The following BRMS1L variants were observed in gnomAD, a reference collection of about 807,000 sequenced individuals.
BRMS1L encodes the protein BRMS1 like transcriptional repressor.
Under a neutral mutation model 50.3 loss-of-function variants are expected in BRMS1L, and 23 were observed. The observed-to-expected ratio is 0.46, with a 90% CI of 0.33 to 0.65. The LOEUF (loss-of-function observed/expected upper bound fraction) is 0.65, where lower values mean the gene tolerates loss of function less well. Among genes scored for constraint, BRMS1L ranks in the 30% least tolerant of loss-of-function variants. BRMS1L has a pLI of 0.02. For synonymous variants in BRMS1L, 114 were observed against 126.9 expected (o/e 0.90, Z 0.69); for missense variants, 286 against 386.1 (o/e 0.74, Z 2.17).
intron 4 of BRMS1L, among the ~76,000 whole-genome samples, chr14:35,861,435 C>T (rs2078349988): frequency 6.6e-6 from 1 of 152,110 alleles, no homozygotes; most frequent in Non-Finnish European, 1.5e-5. Flanking sequence ...ACTGCTCTCC[C>T]TTTTTCTCTG....
intron 4 of BRMS1L, among the ~76,000 whole-genome samples, chr14:35,836,854 G>A (rs913692140): frequency 6.6e-6 from 1 of 151,702 alleles, no homozygotes; most frequent in Admixed American, 6.6e-5. Flanking sequence ...TCACGATATC[G>A]ATTCTTCCTA....
intron 3 of BRMS1L, among the ~76,000 whole-genome samples, chr14:35,833,355 C>A (rs2077950451): frequency 6.6e-6 from 1 of 150,828 alleles, no homozygotes; most frequent in Non-Finnish European, 1.5e-5. Context: ...AAGATAGTTC[C>A]ACATTTGGTG....
chr14:35,862,440 A>G (rs1320801651), intron 4 of BRMS1L, 150 bp from the exon 5 acceptor site: 14 of 354,270 alleles, frequency 4.0e-5, no homozygotes, highest in Non-Finnish European at 6.7e-5. Flanking sequence ...TCTTTCATGT[A>G]TTTGACATTT....
Position 35,870,684 on chromosome 14 carries a change from G to T in BRMS1L, c.*207G>T. The T allele has an allele frequency of 3.2e-6, 1 of 308,164 alleles. No homozygotes were observed. Among genetic ancestry groups the T allele is most frequent in the Non-Finnish European group, 6.1e-6 (1 of 163,520 alleles). The allele number at this position is 308,164 out of a possible 1,614,324, so 19.1% of individuals were successfully genotyped here. ...TTTATCACGATCCTTACGTTGATTT[G>T]CCTCTTAGGTCCGATGACCAATAGG... On this transcript the variant is annotated 3_prime_UTR_variant, in exon 10 of 10. Coordinates refer to ENST00000216807, the MANE Select transcript of BRMS1L (RefSeq NM_032352.4).
intron 1 of BRMS1L, among the ~76,000 whole-genome samples, chr14:35,830,383 T>C (rs73237247): frequency 0.025 from 3,757 of 151,930 alleles, 142 homozygotes; most frequent in African/African-American, 0.084. Flanking sequence ...TTTCACTTTT[T>C]ATTTTTGAGA....
Position 35,826,524 on chromosome 14 carries a change from T to A in BRMS1L, c.8T>A (p.Val3Asp). MPVHSRGDKKETN... is the reference protein window; with the variant it reads MPDHSRGDKKETN... ...CGACGGCGCGGCTGGAAAATGCCAG[T>A]CCATTCCCGAGGGGATAAGAAGGAG... The change falls in exon 1 of 10, where the codon GTC becomes GAC. Residue 3 changes from valine (V) to aspartate (D), a missense_variant. By Grantham distance (152) the Val-to-Asp change is radical (BLOSUM62 -3). Around this residue, in one of 5 missense-constraint regions of BRMS1L, gnomAD observed 66 missense variants for 67.8 expected, o/e 0.97. Transcript: ENST00000216807. 6.3e-7 allele frequency: 1 copy of A among 1,587,730 alleles called. No homozygotes were observed. Among genetic ancestry groups the A allele is most frequent in the Non-Finnish European group, 8.6e-7 (1 of 1,167,958 alleles).
chr14:35,849,741 TGTCTATTCAA>T (rs779086938), intron 4 of BRMS1L, among the ~76,000 whole-genome samples: 12 of 152,216 alleles, frequency 7.9e-5, no homozygotes, highest in Non-Finnish European at 1.6e-4. Context: ...TTTGGGGGAA[TGTCTATTCAA>T]GTCTTTTGCC....
At chr14:35,839,457 T>G (rs1427562652) in intron 4 of BRMS1L, among the ~76,000 whole-genome samples, 2 of 152,234 alleles carry the variant, frequency 1.3e-5, no homozygotes, top group Non-Finnish European at 2.9e-5. Flanking sequence ...TAAATTACTT[T>G]GGACACAATG....
At chr14:35,848,724 T>G (rs2078169440) in intron 4 of BRMS1L, among the ~76,000 whole-genome samples, 1 of 152,198 alleles carries the variant, frequency 6.6e-6, no homozygotes, top group Non-Finnish European at 1.5e-5. Flanking sequence ...TTTCTATGCC[T>G]GACTTATTTA....
At chr14:35,855,710 A>C (rs1334667941) in intron 4 of BRMS1L, among the ~76,000 whole-genome samples, 1 of 152,156 alleles carries the variant, frequency 6.6e-6, no homozygotes, top group East Asian at 1.9e-4. Flanking sequence ...CATCTATTAT[A>C]TAATTAATCT....
chr14:35,842,594 C>G (rs1175704942), intron 4 of BRMS1L, among the ~76,000 whole-genome samples: 4 of 152,200 alleles, frequency 2.6e-5, no homozygotes, highest in Non-Finnish European at 5.9e-5. Context: ...ACCTTTCTCT[C>G]TGGCTGCCCT....
intron 4 of BRMS1L, among the ~76,000 whole-genome samples, chr14:35,852,460 C>A (rs1026590223): frequency 2.0e-4 from 31 of 152,182 alleles, no homozygotes; most frequent in African/African-American, 7.5e-4. Flanking sequence ...GTCTTCCAGT[C>A]CACGAACTCT....
intron 9 of BRMS1L, among the ~76,000 whole-genome samples, chr14:35,868,761 G>T (rs945413931): frequency 1.3e-5 from 2 of 152,174 alleles, no homozygotes; most frequent in African/African-American, 4.8e-5. Flanking sequence ...CTGGGCAACA[G>T]AGTGAGACCT....
intron 4 of BRMS1L, among the ~76,000 whole-genome samples, chr14:35,842,176 A>G (rs879445494): frequency 3.9e-5 from 6 of 152,070 alleles, no homozygotes; most frequent in Non-Finnish European, 7.4e-5. Flanking sequence ...GCCCGTTTAC[A>G]TTTAAGGTTA....
chr14:35,848,670 T>C (rs961777447), intron 4 of BRMS1L, among the ~76,000 whole-genome samples: 1 of 152,170 alleles, frequency 6.6e-6, no homozygotes, highest in African/African-American at 2.4e-5. Context: ...TTCTATGAGT[T>C]TGATTTTTTT....
chr14:35,837,911 G>A (rs1258154307), intron 4 of BRMS1L, among the ~76,000 whole-genome samples: 3 of 152,036 alleles, frequency 2.0e-5, no homozygotes, highest in Admixed American at 6.6e-5. Context: ...TCTAGGATAC[G>A]TGTGCAGAAT....
At chr14:35,836,516 A>T (rs960583197) in intron 4 of BRMS1L, among the ~76,000 whole-genome samples, 2 of 151,826 alleles carry the variant, frequency 1.3e-5, no homozygotes, top group African/African-American at 2.4e-5. Context: ...AATTTTTAAA[A>T]TTTTTTGTAG....
chr14:35,864,049 T>A, intron 6 of BRMS1L, 96 bp downstream of exon 6: 2 of 911,494 alleles, frequency 2.2e-6, no homozygotes. Context: ...CTGACTTTAT[T>A]TGCATGATCC....
At chr14:35,858,029 A>G (rs2078304281) in intron 4 of BRMS1L, among the ~76,000 whole-genome samples, 1 of 151,582 alleles carries the variant, frequency 6.6e-6, no homozygotes, top group Non-Finnish European at 1.5e-5. Context: ...AAAAAAAAAA[A>G]GCACTGGACC....
Sources: allele counts gnomAD v4.1 joint callset (sites outside exome capture counted in the v4.1 genomes callset), GRCh38; gene constraint gnomAD v4.1.1; regional missense constraint gnomAD v4.1.1; transcripts MANE v1.5; gene names NCBI Gene and HGNC (gene_info 2026-07-23, HGNC 2026-07-21).